DPRX: variants seen among roughly 807,000 people sequenced by gnomAD.
The protein encoded by DPRX is divergent paired-related homeobox.
In DPRX, 11 loss-of-function variants were observed where a neutral mutation model predicts 8.4. That is an observed-to-expected ratio of 1.31 (90% CI 0.82 to 2.17). The LOEUF (loss-of-function observed/expected upper bound fraction) is 2.17, where lower values mean the gene tolerates loss of function less well. Among genes scored for constraint, DPRX ranks in the 30% most tolerant of loss-of-function variants. DPRX has a pLI of 0.00. For missense variants in DPRX, 211 were observed against 236.7 expected (o/e 0.89, Z 0.71); for synonymous variants, 72 against 87.0 (o/e 0.83, Z 0.96).
chr19:53,616,941 A>G, the DPRX span: 7 of 1,312,656 alleles, frequency 5.3e-6, no homozygotes, highest in Middle Eastern at 1.8e-4. Context: ...TCATCACCAG[A>G]GGAATCGTTT....
the DPRX span, among the ~76,000 whole-genome samples, chr19:53,605,121 C>T: frequency 8.5e-5 from 13 of 152,202 alleles, no homozygotes; most frequent in East Asian, 2.5e-3. Context: ...CCACATCAGC[C>T]TGGGCAACAC....
At chr19:53,619,131 A>G in the DPRX span, among the ~76,000 whole-genome samples, 1 of 152,154 alleles carries the variant, frequency 6.6e-6, no homozygotes, top group African/African-American at 2.4e-5. Context: ...TCTCTAAAGC[A>G]GACACTGATA....
intron 1 of DPRX, 123 bp downstream of exon 1, chr19:53,632,257 G>T: frequency 8.3e-7 from 1 of 1,208,516 alleles, no homozygotes; most frequent in South Asian, 1.2e-5. Flanking sequence ...GGGTGGCAGG[G>T]ACTTCCCACA....
chr19:53,616,240 G>A, the DPRX span, among the ~76,000 whole-genome samples: 2,013 of 151,874 alleles, frequency 0.013, 48 homozygotes, highest in African/African-American at 0.046. Context: ...CAACAAGAGT[G>A]AAACTCTGTC....
At chr19:53,623,081 G>A in the DPRX span, among the ~76,000 whole-genome samples, 3,236 of 150,502 alleles carry the variant, frequency 0.022, 119 homozygotes, top group African/African-American at 0.074. Context: ...TGAGGCGGGC[G>A]GATCACGAGG....
the DPRX span, chr19:53,617,124 C>T: frequency 1.9e-3 from 2,411 of 1,245,702 alleles, 13 homozygotes; most frequent in African/African-American, 0.016. Context: ...CTGGACCGAT[C>T]GAATGCACCA....
intron 1 of DPRX, among the ~76,000 whole-genome samples, chr19:53,632,676 T>C (rs1270371197): frequency 6.6e-6 from 1 of 151,714 alleles, no homozygotes; most frequent in African/African-American, 2.4e-5. Flanking sequence ...GCCCCTGACC[T>C]CATGTGATTG....
chr19:53,612,479 G>A, the DPRX span, among the ~76,000 whole-genome samples: 1 of 152,186 alleles, frequency 6.6e-6, no homozygotes, highest in African/African-American at 2.4e-5. Flanking sequence ...GGCCGAGGCA[G>A]GTGGATCACT....
the DPRX span, among the ~76,000 whole-genome samples, chr19:53,626,437 C>G: frequency 1.3e-5 from 2 of 152,242 alleles, no homozygotes; most frequent in African/African-American, 4.8e-5. Context: ...GGCAGGCACC[C>G]TAGTCCCAGC....
intron 2 of DPRX, 103 bp downstream of exon 2, chr19:53,634,788 T>C: frequency 3.5e-6 from 5 of 1,447,950 alleles, no homozygotes; most frequent in Non-Finnish European, 4.6e-6. Flanking sequence ...ATCGCCAATA[T>C]TCCCCAAACC....
chr19:53,603,502 C>T, the DPRX span: 64,439 of 421,288 alleles, frequency 0.15, 5,219 homozygotes, highest in Admixed American at 0.22. Flanking sequence ...TCAACTACTT[C>T]CTCCTTCGGC....
At chr19:53,602,250 C>CCATATAT in the DPRX span, 1 of 344,678 alleles carries the variant, frequency 2.9e-6, no homozygotes, top group Non-Finnish European at 5.7e-6. Flanking sequence ...ATCCCCCAAA[C>CCATATAT]CATATATATG....
At chr19:53,612,409 A>C in the DPRX span, among the ~76,000 whole-genome samples, 1 of 151,706 alleles carries the variant, frequency 6.6e-6, no homozygotes, top group African/African-American at 2.4e-5. Flanking sequence ...AGCAGCATAG[A>C]AATAGGATTG....
the DPRX span, among the ~76,000 whole-genome samples, chr19:53,611,132 C>A: frequency 6.6e-6 from 1 of 152,096 alleles, no homozygotes. Context: ...AAACTCCTGA[C>A]CTCAGGTGAT....
At chr19:53,626,416 C>T in the DPRX span, among the ~76,000 whole-genome samples, 1 of 152,124 alleles carries the variant, frequency 6.6e-6, no homozygotes, top group African/African-American at 2.4e-5. Flanking sequence ...TTTTAATTAG[C>T]TGTGCATGGT....
At chr19:53,612,172 C>T in the DPRX span, among the ~76,000 whole-genome samples, 2 of 151,220 alleles carry the variant, frequency 1.3e-5, no homozygotes, top group Non-Finnish European at 2.9e-5. Flanking sequence ...TCGCTTGAGC[C>T]CAGGAATTCA....
exon 3 of DPRX, chr19:53,636,759 C>T (rs368343082): frequency 1.5e-5 from 25 of 1,614,186 alleles, no homozygotes; most frequent in East Asian, 2.2e-5. Flanking sequence ...GCTGCTCACC[C>T]GATCGGCCTG....
the DPRX span, among the ~76,000 whole-genome samples, chr19:53,601,648 A>C: frequency 6.6e-6 from 1 of 151,720 alleles, no homozygotes; most frequent in African/African-American, 2.4e-5. Context: ...TGCCCGGCTA[A>C]TTTTTGTATT....
the DPRX span, among the ~76,000 whole-genome samples, chr19:53,617,473 G>A: frequency 6.7e-6 from 1 of 149,198 alleles, no homozygotes; most frequent in Non-Finnish European, 1.5e-5. Flanking sequence ...CAGGAGAATT[G>A]CTTGAACCCG....
Sources: allele counts gnomAD v4.1 joint callset (sites outside exome capture counted in the v4.1 genomes callset), GRCh38; gene constraint gnomAD v4.1.1; transcripts MANE v1.5; gene names NCBI Gene and HGNC (gene_info 2026-07-23, HGNC 2026-07-21).